The following ATP6V1C1 variants were observed in gnomAD, a reference collection of about 807,000 sequenced individuals.
The protein encoded by ATP6V1C1 is ATPase H+ transporting V1 subunit C1.
ATP6V1C1 carries 45 observed loss-of-function variants against 53.9 expected under a neutral mutation model. The ratio of observed to expected loss-of-function variants is 0.83; its 90% CI spans 0.66 to 1.07. ATP6V1C1 has a LOEUF of 1.07. ATP6V1C1 is among the 50% of genes least tolerant of loss of function. ATP6V1C1 has a pLI of 0.00. For synonymous variants in ATP6V1C1, 153 were observed against 155.2 expected, an observed-to-expected ratio of 0.99 and a Z score of 0.11; for missense variants, 315 against 440.3, an observed-to-expected ratio of 0.72 and a Z score of 2.55.
At chr8:103,060,502 G>T (rs541911582) in intron 8 of ATP6V1C1, among the ~76,000 whole-genome samples, 1 of 152,278 alleles carries the variant, frequency 6.6e-6, no homozygotes, top group South Asian at 2.1e-4. Context: ...CTATATTGCA[G>T]TTACTTGTGT....
intron 8 of ATP6V1C1, among the ~76,000 whole-genome samples, chr8:103,060,060 C>T (rs907056329): frequency 1.3e-5 from 2 of 151,646 alleles, no homozygotes; most frequent in African/African-American, 2.4e-5. Flanking sequence ...CTCTGCCTCC[C>T]GGGTTCAAGT....
At chr8:103,031,853 A>C (rs547815599) in intron 1 of ATP6V1C1, among the ~76,000 whole-genome samples, 149 of 152,372 alleles carry the variant, frequency 9.8e-4, no homozygotes, top group Admixed American at 1.8e-3. Context: ...GAAGGCAAAA[A>C]AAATTGAGGA....
At chr8:103,066,809 T>G (rs1315949900) in intron 12 of ATP6V1C1, among the ~76,000 whole-genome samples, 1 of 151,688 alleles carries the variant, frequency 6.6e-6, no homozygotes, top group Non-Finnish European at 1.5e-5. Context: ...AGCGATAGAG[T>G]CAATAGATGA....
At chr8:103,038,547 A>G (rs1175851141) in intron 1 of ATP6V1C1, among the ~76,000 whole-genome samples, 1 of 152,252 alleles carries the variant, frequency 6.6e-6, no homozygotes, top group Non-Finnish European at 1.5e-5. Flanking sequence ...AGAGATATGT[A>G]CACATTGTTC....
intron 3 of ATP6V1C1, among the ~76,000 whole-genome samples, chr8:103,048,149 G>A (rs991576282): frequency 2.0e-5 from 3 of 152,150 alleles, no homozygotes; most frequent in African/African-American, 7.2e-5. Flanking sequence ...CTTTGAATAA[G>A]CCACTTATTC....
At chr8:103,062,379 C>T (rs2131403066) in intron 8 of ATP6V1C1, among the ~76,000 whole-genome samples, 1 of 151,940 alleles carries the variant, frequency 6.6e-6, no homozygotes, top group African/African-American at 2.4e-5. Flanking sequence ...CCATGTTGCC[C>T]AGGCTGGTCT....
intron 11 of ATP6V1C1, 67 bp downstream of exon 11, chr8:103,064,878 A>G: frequency 7.3e-7 from 1 of 1,369,842 alleles, no homozygotes; most frequent in Non-Finnish European, 1.0e-6. Context: ...GGACCTCTTT[A>G]TTATAACACA....
chr8:103,055,996 T>C (rs1011634450), intron 8 of ATP6V1C1, 60 bp downstream of exon 8: 2 of 1,514,780 alleles, frequency 1.3e-6, no homozygotes, highest in Non-Finnish European at 1.8e-6. Flanking sequence ...AGTTTGGATG[T>C]TGGCTTAGGA....
chr8:103,044,405 T>G (rs558626021), intron 3 of ATP6V1C1, among the ~76,000 whole-genome samples: 2 of 152,350 alleles, frequency 1.3e-5, no homozygotes, highest in African/African-American at 2.4e-5. Flanking sequence ...TTAAGTTTTA[T>G]GTATGTTGTG....
intron 11 of ATP6V1C1, among the ~76,000 whole-genome samples, chr8:103,065,055 A>G (rs1300412133): frequency 2.0e-5 from 3 of 152,208 alleles, no homozygotes; most frequent in Non-Finnish European, 4.4e-5. Context: ...TTTCTTGTGT[A>G]GGTACTTAAA....
chr8:103,041,017 G>A (rs773653883), intron 2 of ATP6V1C1, 49 bp downstream of exon 2: 1 of 1,554,400 alleles, frequency 6.4e-7, no homozygotes, highest in Admixed American at 1.8e-5. Context: ...ATCCAGGGGA[G>A]GGCCAGTTCT....
chr8:103,046,120 A>G (rs557830880), intron 3 of ATP6V1C1, among the ~76,000 whole-genome samples: 73 of 152,280 alleles, frequency 4.8e-4, no homozygotes, highest in African/African-American at 1.7e-3. Flanking sequence ...TACCCTTATT[A>G]GTCACCTTGA....
At chr8:103,055,689 A>T (rs528646217) in intron 7 of ATP6V1C1, among the ~76,000 whole-genome samples, 179 bp from the exon 8 acceptor site, 1 of 152,176 alleles carries the variant, frequency 6.6e-6, no homozygotes, top group South Asian at 2.1e-4. Flanking sequence ...TTCCTGCATT[A>T]CTCAGTGTAT....
At chr8:103,032,705 TG>T (rs1202641484) in intron 1 of ATP6V1C1, among the ~76,000 whole-genome samples, 1 of 152,184 alleles carries the variant, frequency 6.6e-6, no homozygotes, top group Non-Finnish European at 1.5e-5. Flanking sequence ...TTCGAACTCC[TG>T]GCCTCAAGTG....
intron 1 of ATP6V1C1, among the ~76,000 whole-genome samples, chr8:103,037,338 T>A (rs947210435): frequency 6.6e-6 from 1 of 151,988 alleles, no homozygotes; most frequent in African/African-American, 2.4e-5. Context: ...ATTTATTTTT[T>A]AAAAATAAAA....
chr8:103,070,628 C>T lies in ATP6V1C1; in HGVS notation c.*1881C>T, dbSNP rs1161943082. ...AGAAAAACATGTCACTAACCTGAAG[C>T]TCAGCCACACAGTGACTTTTAAGGT... On this transcript the variant is annotated 3_prime_UTR_variant, in exon 13 of 13. Coordinates refer to ENST00000518738, the MANE Select transcript of ATP6V1C1 (RefSeq NM_001695.5). 2 of 152,242 alleles carry T rather than the reference C, an allele frequency of 1.3e-5. No individual in the cohort carries two copies. The highest frequency in any genetic ancestry group is 2.9e-5 in the Non-Finnish European group (2 of 68,048). 9.4% of individuals were successfully genotyped at this position (152,242 alleles called of 1,614,324 possible).
At chr8:103,068,557 A>G (rs992428818) in intron 12 of ATP6V1C1, 95 bp from the exon 13 acceptor site, 1 of 857,526 alleles carries the variant, frequency 1.2e-6, no homozygotes, top group African/African-American at 1.7e-5. Flanking sequence ...TTTAGCCCAG[A>G]GTAGATGTTC....
At chr8:103,049,813 TG>T (rs1817169360) in intron 4 of ATP6V1C1, among the ~76,000 whole-genome samples, 1 of 152,030 alleles carries the variant, frequency 6.6e-6, no homozygotes, top group Non-Finnish European at 1.5e-5. Flanking sequence ...AAAAGTTACC[TG>T]GAAGTAGTGG....
At chr8:103,024,875 A>G (rs1816667408) in intron 1 of ATP6V1C1, among the ~76,000 whole-genome samples, 2 of 152,178 alleles carry the variant, frequency 1.3e-5, no homozygotes, top group Non-Finnish European at 1.5e-5. Flanking sequence ...GTGCAAATGT[A>G]CTATGCGTTT....
Sources: allele counts gnomAD v4.1 joint callset (sites outside exome capture counted in the v4.1 genomes callset), GRCh38; gene constraint gnomAD v4.1.1; transcripts MANE v1.5; gene names NCBI Gene and HGNC (gene_info 2026-07-23, HGNC 2026-07-21).